The following PDE4B variants were observed in gnomAD, a reference collection of about 807,000 sequenced individuals.
The protein encoded by PDE4B is phosphodiesterase 4B, also known as 3',5'-cyclic-AMP phosphodiesterase 4B.
A neutral mutation model predicts 82.2 loss-of-function variants in PDE4B; 20 were observed. That is an observed-to-expected ratio of 0.24 (90% CI 0.17 to 0.35). PDE4B has a LOEUF of 0.35. PDE4B is among the 10% of genes least tolerant of loss of function. The pLI is 1.00. For synonymous variants in PDE4B, 320 were observed against 318.9 expected, an observed-to-expected ratio of 1.00 and a Z score of -0.04; for missense variants, 655 against 907.2, an observed-to-expected ratio of 0.72 and a Z score of 3.57.
At chr1:66,105,688 T>C (rs1039574462) in intron 3 of PDE4B, among the ~76,000 whole-genome samples, 18 of 152,318 alleles carry the variant, frequency 1.2e-4, no homozygotes, top group Non-Finnish European at 2.2e-4. Context: ...AGGTATTTTA[T>C]TCTCGTTGAA....
At chr1:66,158,556 A>C (rs1646547250) in intron 3 of PDE4B, among the ~76,000 whole-genome samples, 1 of 152,158 alleles carries the variant, frequency 6.6e-6, no homozygotes, top group African/African-American at 2.4e-5. Context: ...AAAAACTAAA[A>C]CTAGAAGTAC....
chr1:65,878,225 G>T (rs184238772), intron 1 of PDE4B, among the ~76,000 whole-genome samples: 1 of 152,136 alleles, frequency 6.6e-6, no homozygotes, highest in Non-Finnish European at 1.5e-5. Flanking sequence ...AAAAAGTCAG[G>T]AAACAACAGA....
At chr1:66,102,974 A>G (rs1045618842) in intron 3 of PDE4B, among the ~76,000 whole-genome samples, 5 of 152,154 alleles carry the variant, frequency 3.3e-5, no homozygotes, top group African/African-American at 1.2e-4. Flanking sequence ...AATTAATTAT[A>G]TAAAAGGAAG....
In PDE4B at chr1:65,872,996, CAT is replaced by C. The variant is rs1646592139; in HGVS notation, c.-70-40246_-70-40245del. On this transcript the variant is annotated intron_variant, in intron 1 of 16. Transcript: ENST00000341517. ...GCAAATAAATATTCATTCATTCAAA[CAT>C]ATTAATCTAGGGACTACTATGTGCC... 2.0e-5 allele frequency among the ~76,000 whole-genome samples: 3 copies of C among 152,256 alleles called. No homozygotes were observed. The South Asian group carries it at 6.2e-4, about 32-fold the overall frequency.
At chr1:65,836,129 A>G (rs1291343973) in intron 1 of PDE4B, among the ~76,000 whole-genome samples, 1 of 151,792 alleles carries the variant, frequency 6.6e-6, no homozygotes, top group African/African-American at 2.4e-5. Flanking sequence ...TTTAGTAGAG[A>G]TGGGATTTTA....
chr1:66,317,468 C>G (rs1221692752), intron 7 of PDE4B, among the ~76,000 whole-genome samples: 1 of 152,214 alleles, frequency 6.6e-6, no homozygotes, highest in African/African-American at 2.4e-5. Flanking sequence ...ATTAAACTGT[C>G]AGGCCCCACA....
chr1:66,292,848 A>T (rs117745681), intron 7 of PDE4B, among the ~76,000 whole-genome samples: 2 of 152,336 alleles, frequency 1.3e-5, no homozygotes, highest in East Asian at 1.9e-4. Context: ...GAAAAGTAAC[A>T]TAAATACTTC....
intron 3 of PDE4B, among the ~76,000 whole-genome samples, chr1:65,976,916 A>G (rs1017946681): frequency 3.3e-5 from 5 of 152,316 alleles, no homozygotes; most frequent in Admixed American, 6.5e-5. Flanking sequence ...CAGTGTGAGA[A>G]TGGACTAACA....
chr1:65,902,767 A>G (rs186286130), intron 1 of PDE4B, among the ~76,000 whole-genome samples: 1 of 152,322 alleles, frequency 6.6e-6, no homozygotes, highest in African/African-American at 2.4e-5. Flanking sequence ...GTACATGACT[A>G]TATGAATTCA....
At chr1:65,869,888 A>G (rs780230670) in intron 1 of PDE4B, among the ~76,000 whole-genome samples, 2 of 151,174 alleles carry the variant, frequency 1.3e-5, no homozygotes, top group Non-Finnish European at 2.9e-5. Context: ...AACTTTTTTC[A>G]TCAACTAACA....
chr1:66,185,138 G>A (rs1371901259), intron 3 of PDE4B, among the ~76,000 whole-genome samples: 1 of 152,074 alleles, frequency 6.6e-6, no homozygotes, highest in Non-Finnish European at 1.5e-5. Context: ...ATGGTTTCCA[G>A]CTTCATCCAT....
At chr1:66,064,916 T>A (rs1240885689) in intron 3 of PDE4B, among the ~76,000 whole-genome samples, 1 of 151,994 alleles carries the variant, frequency 6.6e-6, no homozygotes, top group Non-Finnish European at 1.5e-5. Context: ...AACTATATTA[T>A]TGCTTTTCTC....
intron 3 of PDE4B, among the ~76,000 whole-genome samples, chr1:66,242,751 TC>T (rs869153564): frequency 3.5e-5 from 5 of 144,136 alleles, no homozygotes; most frequent in East Asian, 2.3e-4. Flanking sequence ...TGATTTTTCC[TC>T]CCAGGCTTAT....
At chr1:66,295,744 T>G (rs150871674) in intron 7 of PDE4B, among the ~76,000 whole-genome samples, 60 of 152,276 alleles carry the variant, frequency 3.9e-4, no homozygotes, top group African/African-American at 1.4e-3. Context: ...TTTGTTGTTT[T>G]AAATAAATGC....
chr1:65,807,648 C>T (rs1032704205), intron 1 of PDE4B, among the ~76,000 whole-genome samples: 7 of 152,190 alleles, frequency 4.6e-5, no homozygotes, highest in South Asian at 2.1e-4. Context: ...CTCTAATTCT[C>T]GATTTTGTCA....
At chr1:65,925,183 A>T (rs1647429638) in intron 3 of PDE4B, among the ~76,000 whole-genome samples, 1 of 152,140 alleles carries the variant, frequency 6.6e-6, no homozygotes, top group African/African-American at 2.4e-5. Context: ...GTTTTTGCTC[A>T]TGCTTTTAAA....
At chr1:66,313,359 G>T (rs1467484516) in intron 7 of PDE4B, among the ~76,000 whole-genome samples, 1 of 152,288 alleles carries the variant, frequency 6.6e-6, no homozygotes, top group African/African-American at 2.4e-5. Flanking sequence ...TGCCTCAGTG[G>T]CAGTGACTGA....
intron 3 of PDE4B, among the ~76,000 whole-genome samples, chr1:66,162,987 T>A (rs954172214): frequency 5.3e-5 from 8 of 152,218 alleles, no homozygotes; most frequent in Non-Finnish European, 1.2e-4. Flanking sequence ...CTACTGAGCT[T>A]CTTTTAGTTC....
At chr1:66,354,175 C>CT (rs1662047350) in intron 8 of PDE4B, among the ~76,000 whole-genome samples, 1 of 152,132 alleles carries the variant, frequency 6.6e-6, no homozygotes. Context: ...TGGTCCTAAC[C>CT]TTTTTTAAAT....
Sources: gnomAD v4.1 joint callset for allele counts (sites outside exome capture counted in the v4.1 genomes callset) on GRCh38, gnomAD v4.1.1 for gene constraint, MANE v1.5 for transcripts, NCBI Gene and HGNC (gene_info 2026-07-23, HGNC 2026-07-21) for gene names.